ADGRB3: variants seen among roughly 807,000 people sequenced by gnomAD.
ADGRB3 encodes adhesion G protein-coupled receptor B3, also known as brain-specific angiogenesis inhibitor 3.
In ADGRB3, 37 loss-of-function variants were observed where a neutral mutation model predicts 193.4. The observed-to-expected ratio is 0.19, with a 90% CI of 0.15 to 0.25. The LOEUF (loss-of-function observed/expected upper bound fraction) is 0.25. Ranked by LOEUF, ADGRB3 falls within the 10% of genes least tolerant of loss-of-function variation. The pLI is 1.00. For missense variants in ADGRB3, 1,637 were observed against 1,852.9 expected (o/e 0.88, Z 2.14); for synonymous variants, 690 against 644.2 (o/e 1.07, Z -1.08).
chr6:68,887,835 A>G (rs1161810829), intron 3 of ADGRB3, among the ~76,000 whole-genome samples: 1 of 152,174 alleles, frequency 6.6e-6, no homozygotes, highest in African/African-American at 2.4e-5. Context: ...ATTGCCACTA[A>G]AGGTGAACCT....
At chr6:68,935,020 AAT>A (rs1767446295) in intron 4 of ADGRB3, among the ~76,000 whole-genome samples, 1 of 152,178 alleles carries the variant, frequency 6.6e-6, no homozygotes, top group African/African-American at 2.4e-5. Flanking sequence ...GTGCCCTTAC[AAT>A]ATATGTCCAG....
intron 20 of ADGRB3, among the ~76,000 whole-genome samples, chr6:69,270,577 A>G (rs886447049): frequency 6.6e-6 from 1 of 152,218 alleles, no homozygotes; most frequent in Non-Finnish European, 1.5e-5. Flanking sequence ...AGCTGATTAA[A>G]TACATTTTAC....
chr6:69,313,317 G>A (rs1768238311), intron 20 of ADGRB3, among the ~76,000 whole-genome samples: 1 of 151,786 alleles, frequency 6.6e-6, no homozygotes, highest in Admixed American at 6.6e-5. Flanking sequence ...AAAAACCTAT[G>A]ATCTTTTTAT....
intron 17 of ADGRB3, among the ~76,000 whole-genome samples, chr6:69,102,802 C>G (rs1773102207): frequency 6.6e-6 from 1 of 152,168 alleles, no homozygotes; most frequent in Non-Finnish European, 1.5e-5. Flanking sequence ...AAGGAAGTCA[C>G]AACCTTTTTT....
At chr6:69,382,241 A>G (rs1453265726) in intron 30 of ADGRB3, among the ~76,000 whole-genome samples, 1 of 151,900 alleles carries the variant, frequency 6.6e-6, no homozygotes, top group Non-Finnish European at 1.5e-5. Context: ...AATGGATGAA[A>G]TCTATGGGTC....
chr6:69,048,675 A>G (rs187754026), intron 14 of ADGRB3, among the ~76,000 whole-genome samples: 43 of 152,230 alleles, frequency 2.8e-4, no homozygotes, highest in Middle Eastern at 6.8e-3. Context: ...TTTCCATGCA[A>G]TGTCATTTTT....
intron 3 of ADGRB3, among the ~76,000 whole-genome samples, chr6:68,676,379 G>T (rs1219658774): frequency 8.2e-6 from 1 of 121,528 alleles, no homozygotes; most frequent in African/African-American, 3.3e-5. Flanking sequence ...GACAGAGAGA[G>T]ACTCTGTCTC....
chr6:69,049,963 A>G (rs1001917283), intron 15 of ADGRB3, among the ~76,000 whole-genome samples: 3 of 152,210 alleles, frequency 2.0e-5, no homozygotes, highest in Admixed American at 6.5e-5. Context: ...TACTATACCA[A>G]ATCTCACAGA....
chr6:69,148,298 G>T (rs981223652), intron 17 of ADGRB3, among the ~76,000 whole-genome samples: 3 of 151,900 alleles, frequency 2.0e-5, no homozygotes, highest in Non-Finnish European at 4.4e-5. Context: ...TATATACATT[G>T]TGTGTTTTTT....
chr6:68,866,170 C>A (rs1405064956), intron 3 of ADGRB3, among the ~76,000 whole-genome samples: 1 of 152,142 alleles, frequency 6.6e-6, no homozygotes. Context: ...ACCCAAATCT[C>A]ATGTCAAACT....
At chr6:68,686,249 CT>C (rs1245455107) in intron 3 of ADGRB3, among the ~76,000 whole-genome samples, 1 of 152,092 alleles carries the variant, frequency 6.6e-6, no homozygotes, top group African/African-American at 2.4e-5. Flanking sequence ...TCTGCTAAAC[CT>C]TTGGCTAAGT....
chr6:68,695,560 T>G (rs1765143369), intron 3 of ADGRB3, among the ~76,000 whole-genome samples: 1 of 152,020 alleles, frequency 6.6e-6, no homozygotes, highest in Non-Finnish European at 1.5e-5. Context: ...TAGGAACATG[T>G]CTTCTTGTGA....
At chr6:69,015,024 A>T (rs1387607294) in intron 12 of ADGRB3, among the ~76,000 whole-genome samples, 1 of 151,866 alleles carries the variant, frequency 6.6e-6, no homozygotes, top group Non-Finnish European at 1.5e-5. Context: ...CCAGAAAAAA[A>T]AACCCTTATT....
At chr6:69,203,945 A>G (rs1261665271) in intron 17 of ADGRB3, among the ~76,000 whole-genome samples, 2 of 152,088 alleles carry the variant, frequency 1.3e-5, no homozygotes, top group African/African-American at 4.8e-5. Context: ...TTCATTTGAG[A>G]GTGTTCTTAG....
In ADGRB3 at chr6:68,703,767, C is replaced by T. The variant is rs987625331; in HGVS notation, c.757+64335C>T. Reference sequence around the variant, plus strand: ...CCTCCTGAGTAGCTGGGATTACAGGCGCCCGCCACCATGCCCAGCTAATTT... The same window carrying T: ...CCTCCTGAGTAGCTGGGATTACAGGTGCCCGCCACCATGCCCAGCTAATTT... On this transcript the variant is annotated intron_variant, in intron 3 of 31. Coordinates refer to ENST00000370598, the MANE Select transcript of ADGRB3 (RefSeq NM_001704.3). Among the ~76,000 whole-genome samples, 4 of 151,872 alleles carry T rather than the reference C, an allele frequency of 2.6e-5. No individual in the cohort carries two copies. In the South Asian group the frequency reaches 6.2e-4, roughly 24 times the overall value.
chr6:68,635,444 G>A lies in ADGRB3; in HGVS notation c.-744G>A, dbSNP rs528710328. The A allele has an allele frequency of 1.3e-5, 2 of 152,322 alleles. No homozygotes were observed. Among genetic ancestry groups the A allele is most frequent in the Admixed American group, 6.5e-5 (1 of 15,286 alleles). The allele number at this position is 152,322 out of a possible 1,614,324, so 9.4% of individuals were successfully genotyped here. On this transcript the variant is annotated 5_prime_UTR_variant, in exon 1 of 32. Transcript: ENST00000370598. ...TCCGTCCATCAGTACCTGCAGGGGGGAGGAGGAGGAGGGAGGAAAGCGGAA... is the reference window on the plus strand; with the variant it reads ...TCCGTCCATCAGTACCTGCAGGGGGAAGGAGGAGGAGGGAGGAAAGCGGAA...
At chr6:69,173,637 A>T (rs1775346874) in intron 17 of ADGRB3, among the ~76,000 whole-genome samples, 1 of 151,720 alleles carries the variant, frequency 6.6e-6, no homozygotes, top group Admixed American at 6.6e-5. Flanking sequence ...TAGTCAATTA[A>T]CCTTGTAGCA....
intron 17 of ADGRB3, among the ~76,000 whole-genome samples, chr6:69,135,223 A>G (rs528396801): frequency 6.6e-6 from 1 of 152,024 alleles, no homozygotes; most frequent in African/African-American, 2.4e-5. Flanking sequence ...TAGACTTCTT[A>G]TCTTCTATTT....
chr6:68,763,712 T>G (rs1022028786), intron 3 of ADGRB3, among the ~76,000 whole-genome samples: 3 of 152,216 alleles, frequency 2.0e-5, no homozygotes, highest in Non-Finnish European at 4.4e-5. Context: ...TTTTTTTGTT[T>G]TAGAAGAGTT....
Sources: gnomAD v4.1 joint callset for allele counts (sites outside exome capture counted in the v4.1 genomes callset) on GRCh38, gnomAD v4.1.1 for gene constraint, MANE v1.5 for transcripts, NCBI Gene and HGNC (gene_info 2026-07-23, HGNC 2026-07-21) for gene names.